KANSL1L: variants seen among roughly 807,000 people sequenced by gnomAD.
KANSL1L encodes the protein KAT8 regulatory NSL complex subunit 1-like protein.
A neutral mutation model predicts 108.6 loss-of-function variants in KANSL1L; 25 were observed. The ratio of observed to expected loss-of-function variants is 0.23; its 90% CI spans 0.17 to 0.32. The LOEUF is 0.32. Ranked by LOEUF, KANSL1L falls within the 10% of genes least tolerant of loss-of-function variation. The pLI is 1.00. For synonymous variants in KANSL1L, 405 were observed against 395.1 expected (o/e 1.03, Z -0.30); for missense variants, 1,137 against 1,125.7 (o/e 1.01, Z -0.14).
intron 8 of KANSL1L, among the ~76,000 whole-genome samples, chr2:210,036,971 G>T (rs1175779520): frequency 6.6e-6 from 1 of 151,856 alleles, no homozygotes; most frequent in Non-Finnish European, 1.5e-5. Flanking sequence ...TTCCCAGGCT[G>T]GTCTTGAACT....
At chr2:210,058,435 C>A (rs533473971) in intron 6 of KANSL1L, among the ~76,000 whole-genome samples, 2 of 152,174 alleles carry the variant, frequency 1.3e-5, no homozygotes, top group Non-Finnish European at 2.9e-5. Context: ...CTCGCCCTGC[C>A]TCCATTTGCC....
intron 6 of KANSL1L, among the ~76,000 whole-genome samples, chr2:210,065,889 T>G (rs189239875): frequency 3.7e-4 from 57 of 152,240 alleles, no homozygotes; most frequent in Non-Finnish European, 7.2e-4. Context: ...CACCCAGCCA[T>G]GGACATGATT....
Position 210,032,724 on chromosome 2 carries a change from C to G in KANSL1L, c.2030-1178G>C, listed in dbSNP as rs1051637720. ...TAAATTCCCTTCCCATCAAAAGTGT[C>G]CCATAAACAGCAGTGGTAGAAGAGT... On this transcript the variant is annotated intron_variant, in intron 8 of 14. Coordinates refer to ENST00000281772, the MANE Select transcript of KANSL1L (RefSeq NM_152519.4). 9.9e-5 allele frequency: 15 copies of G among 152,272 alleles called. No individual in the cohort carries two copies. The East Asian group carries it at 2.9e-3, about 29-fold the overall frequency. 9.4% of individuals were successfully genotyped at this position (152,272 alleles called of 1,614,324 possible). A position where few individuals can be genotyped will look rare whatever the true frequency, so the allele number is the denominator to read the frequency against.
At chr2:210,090,422 A>C (rs551946446) in intron 5 of KANSL1L, among the ~76,000 whole-genome samples, 1 of 152,354 alleles carries the variant, frequency 6.6e-6, no homozygotes, top group South Asian at 2.1e-4. Context: ...ATGTGGGTTA[A>C]GACTATAAAT....
intron 2 of KANSL1L, among the ~76,000 whole-genome samples, chr2:210,148,448 T>C (rs556717648): frequency 2.6e-5 from 4 of 152,318 alleles, no homozygotes; most frequent in Admixed American, 2.6e-4. Context: ...CAGTTCAGTG[T>C]TCATGGACCT....
intron 5 of KANSL1L, among the ~76,000 whole-genome samples, chr2:210,090,392 G>A (rs1246835104): frequency 2.0e-5 from 3 of 151,896 alleles, no homozygotes; most frequent in Non-Finnish European, 4.4e-5. Context: ...GGATTAGAGG[G>A]GACACTGAGT....
chr2:210,069,665 C>T (rs193045345), intron 6 of KANSL1L, among the ~76,000 whole-genome samples: 1 of 151,934 alleles, frequency 6.6e-6, no homozygotes, highest in East Asian at 1.9e-4. Context: ...GGGGAGAATC[C>T]TTCCTTGACT....
At chr2:210,050,694 A>G (rs1044361893) in intron 6 of KANSL1L, among the ~76,000 whole-genome samples, 2 of 129,190 alleles carry the variant, frequency 1.5e-5, no homozygotes, top group African/African-American at 3.3e-5. Flanking sequence ...ATCTCTACAG[A>G]AAAAAAAAAA....
At chr2:210,095,085 A>C (rs2094724415) in intron 5 of KANSL1L, among the ~76,000 whole-genome samples, 1 of 152,056 alleles carries the variant, frequency 6.6e-6, no homozygotes, top group African/African-American at 2.4e-5. Flanking sequence ...CACATATCTT[A>C]ATCTATTTCA....
chr2:210,079,426 T>C (rs867212479), intron 5 of KANSL1L, among the ~76,000 whole-genome samples: 3 of 150,502 alleles, frequency 2.0e-5, no homozygotes, highest in South Asian at 2.1e-4. Context: ...TTAAACCCCA[T>C]CTCTACTAAA....
intron 6 of KANSL1L, among the ~76,000 whole-genome samples, chr2:210,068,228 T>C (rs2094481406): frequency 6.6e-6 from 1 of 152,226 alleles, no homozygotes; most frequent in Non-Finnish European, 1.5e-5. Flanking sequence ...TAACAAAAGT[T>C]ACCACTTTAC....
At chr2:210,089,175 CCAAA>C (rs1337847575) in intron 5 of KANSL1L, 4 of 152,258 alleles carry the variant, frequency 2.6e-5, no homozygotes, top group African/African-American at 7.2e-5. Context: ...ACAATTCTTC[CCAAA>C]CAGTTTAATT....
At chr2:210,160,361 GAAAT>G (rs1375408097) in intron 1 of KANSL1L, among the ~76,000 whole-genome samples, 1 of 151,708 alleles carries the variant, frequency 6.6e-6, no homozygotes, top group Non-Finnish European at 1.5e-5. Context: ...AAAAAAAAAA[GAAAT>G]AAAAAGCACA....
Position 210,153,601 on chromosome 2 carries a change from C to A in KANSL1L, c.982G>T (p.Ala328Ser). The change falls in exon 2 of 15, where the codon GCT becomes TCT. Residue 328 changes from alanine (A) to serine (S), a missense_variant. Coordinates refer to ENST00000281772, the MANE Select transcript of KANSL1L (RefSeq NM_152519.4). ...TCAACATGAGACAACAGCCCTGTAGCAGAAAATGCAAATCTTTGGATTTCC... is the reference window on the plus strand; with the variant it reads ...TCAACATGAGACAACAGCCCTGTAGAAGAAAATGCAAATCTTTGGATTTCC... ...AAEIQRFAFSATGLLSHVEEG... is the reference protein window; with the variant it reads ...AAEIQRFAFSSTGLLSHVEEG... 6.2e-7 allele frequency: 1 copy of A among 1,613,908 alleles called. No individual in the cohort carries two copies. The highest frequency in any genetic ancestry group is 8.5e-7 in the Non-Finnish European group (1 of 1,179,956).
intron 6 of KANSL1L, among the ~76,000 whole-genome samples, chr2:210,056,590 T>C (rs1172709878): frequency 6.6e-6 from 1 of 152,064 alleles, no homozygotes; most frequent in Non-Finnish European, 1.5e-5. Context: ...AAGCAATTCT[T>C]GTGCCTCAGC....
chr2:210,078,213 A>G (rs1295810202), intron 5 of KANSL1L, among the ~76,000 whole-genome samples: 1 of 152,202 alleles, frequency 6.6e-6, no homozygotes, highest in South Asian at 2.1e-4. Flanking sequence ...CAACATTATC[A>G]TAGTTACAAT....
chr2:210,103,940 G>A (rs1025238560), intron 4 of KANSL1L, 164 bp downstream of exon 4: 1 of 498,738 alleles, frequency 2.0e-6, no homozygotes, highest in Non-Finnish European at 3.5e-6. Flanking sequence ...TATTATAATG[G>A]AGACTGGTCA....
chr2:210,028,011 C>G (rs1249662167), intron 11 of KANSL1L, among the ~76,000 whole-genome samples: 2 of 152,150 alleles, frequency 1.3e-5, no homozygotes, highest in Non-Finnish European at 2.9e-5. Flanking sequence ...TTGTCACCCA[C>G]CTGTCTCTGT....
intron 3 of KANSL1L, among the ~76,000 whole-genome samples, chr2:210,118,176 A>AG (rs201371976): frequency 0.017 from 2,436 of 145,982 alleles, 76 homozygotes; most frequent in African/African-American, 0.059. Context: ...CAAAAAAAAA[A>AG]AAAAGGAGGG....
Sources: allele counts gnomAD v4.1 joint callset (sites outside exome capture counted in the v4.1 genomes callset), GRCh38; gene constraint gnomAD v4.1.1; transcripts MANE v1.5; gene names NCBI Gene and HGNC (gene_info 2026-07-23, HGNC 2026-07-21).